UBOX5: variants seen among roughly 807,000 people sequenced by gnomAD.
UBOX5 encodes RING finger protein 37.
UBOX5 carries 28 observed loss-of-function variants against 39.0 expected under a neutral mutation model. The ratio of observed to expected loss-of-function variants is 0.72; its 90% CI spans 0.53 to 0.98. The LOEUF (loss-of-function observed/expected upper bound fraction) is 0.98, where lower values mean the gene tolerates loss of function less well. Among genes scored for constraint, UBOX5 ranks in the 50% least tolerant of loss-of-function variants. UBOX5 has a pLI of 0.00. For synonymous variants in UBOX5, 283 were observed against 275.5 expected (o/e 1.03, Z -0.27); for missense variants, 585 against 674.4 (o/e 0.87, Z 1.47).
At chr20:3,151,057 T>C (rs114562672) in intron 1 of UBOX5, among the ~76,000 whole-genome samples, 1 of 150,888 alleles carries the variant, frequency 6.6e-6, no homozygotes, top group African/African-American at 2.5e-5. Flanking sequence ...AGTGTGTGTT[T>C]GTGTGTGTGT....
chr20:3,121,814 G>T lies in UBOX5; in HGVS notation c.825C>A (p.Pro275=). 6.2e-7 allele frequency: 1 copy of T among 1,614,144 alleles called. No homozygotes were observed. The highest frequency in any genetic ancestry group is 2.2e-5 in the East Asian group (1 of 44,854). Residue 275 remains proline (P), a synonymous_variant, in exon 3 of 5, where the codon CCC becomes CCA. Transcript: ENST00000217173. ...DPITLEIMPC[P]MLLPSGKVID... ...TGACCTTGCCTGAGGGCAGCAGCATGGGACAAGGCATGATCTCCAGGGTGA... is the reference window on the plus strand; with the variant it reads ...TGACCTTGCCTGAGGGCAGCAGCATTGGACAAGGCATGATCTCCAGGGTGA...
Position 3,110,059 on chromosome 20 carries a change from C to A in UBOX5, c.*47G>T. ...GTGCTGTGGCCCTGCTCCTGTTCCC[C>A]CTCAGCTCCTCCCAGCAATGGGTCT... On this transcript the variant is annotated 3_prime_UTR_variant, in exon 5 of 5. Coordinates refer to ENST00000217173, the MANE Select transcript of UBOX5 (RefSeq NM_014948.4). 6.2e-7 allele frequency: 1 copy of A among 1,601,590 alleles called. No homozygotes were observed.
chr20:3,149,635 A>C lies in UBOX5; in HGVS notation c.-42+10131T>G, dbSNP rs2066604432. ...GTGAGCAACTCCTTCCATCTCTTTG[A>C]TATCAAGGCAAACAGGTCCTACCTG... On this transcript the variant is annotated intron_variant, in intron 1 of 4. Coordinates refer to ENST00000217173, the MANE Select transcript of UBOX5 (RefSeq NM_014948.4). This position sits in a 1 kb window ranked among gnomAD's most constrained non-coding sequence, Gnocchi z 4.1. 6.6e-6 allele frequency among the ~76,000 whole-genome samples: 1 copy of C among 152,216 alleles called. No individual in the cohort carries two copies. The highest frequency in any genetic ancestry group is 2.1e-4 in the South Asian group (1 of 4,830).
intron 1 of UBOX5, among the ~76,000 whole-genome samples, chr20:3,132,007 CAA>C (rs35711232): frequency 3.8e-5 from 2 of 52,158 alleles, no homozygotes; most frequent in African/African-American, 8.1e-5. Flanking sequence ...GACACTGTCT[CAA>C]AAAAAAAAAA....
At chr20:3,121,237 G>T (rs953994059) in intron 3 of UBOX5, 147 bp downstream of exon 3, 31 of 1,201,402 alleles carry the variant, frequency 2.6e-5, no homozygotes, top group Non-Finnish European at 3.4e-5. Context: ...AAGCTGAGGG[G>T]CCCCAGGATG....
At chr20:3,118,097 G>A (rs1233939563) in intron 3 of UBOX5, among the ~76,000 whole-genome samples, 6 of 152,274 alleles carry the variant, frequency 3.9e-5, no homozygotes, top group Admixed American at 2.0e-4. Context: ...AGCAGAGGTC[G>A]CAGTGAGCAG....
chr20:3,135,386 G>C (rs2066461634), intron 1 of UBOX5, among the ~76,000 whole-genome samples: 1 of 152,188 alleles, frequency 6.6e-6, no homozygotes, highest in African/African-American at 2.4e-5. Context: ...ATCAGGAAGT[G>C]TCAAGGCACA....
At chr20:3,159,737 CG>C (rs1385065552) in intron 1 of UBOX5, 28 bp downstream of exon 1, 3 of 152,352 alleles carry the variant, frequency 2.0e-5, no homozygotes, top group African/African-American at 7.2e-5. Context: ...GAGGCCGCCG[CG>C]ACCTCCTCCC....
chr20:3,146,327 C>T (rs1171076515), intron 1 of UBOX5, among the ~76,000 whole-genome samples: 2 of 123,096 alleles, frequency 1.6e-5, no homozygotes, highest in African/African-American at 3.2e-5. Context: ...GGTGACAGAG[C>T]GAGACTCCAT....
chr20:3,111,150 G>T (rs1386309561), intron 4 of UBOX5, among the ~76,000 whole-genome samples: 4 of 152,202 alleles, frequency 2.6e-5, no homozygotes, highest in Non-Finnish European at 5.9e-5. Flanking sequence ...CCACCAGGCT[G>T]CACCCACGGC....
Position 3,149,248 on chromosome 20 carries a change from T to G in UBOX5, c.-42+10518A>C. The G allele has an allele frequency of 1.6e-6, 1 of 629,062 alleles. No individual in the cohort carries two copies. The highest frequency in any genetic ancestry group is 2.5e-5 in the South Asian group (1 of 40,060). The allele number at this position is 629,062 out of a possible 1,614,324, so 39.0% of individuals were successfully genotyped here. The stretch of plus-strand genomic sequence containing the variant: ...GGGATCACAAATGACTGGGTCAGAA[T>G]TGGTGCCAGATACTGAAAAAAGGGT... On this transcript the variant is annotated intron_variant, in intron 1 of 4. Coordinates refer to ENST00000217173, the MANE Select transcript of UBOX5 (RefSeq NM_014948.4). This position sits in a 1 kb window ranked among gnomAD's most constrained non-coding sequence, Gnocchi z 4.1.
intron 4 of UBOX5, among the ~76,000 whole-genome samples, chr20:3,113,235 C>A (rs1206794424): frequency 1.3e-5 from 2 of 150,258 alleles, no homozygotes; most frequent in Non-Finnish European, 3.0e-5. Flanking sequence ...TTGCAGTGAG[C>A]CGAGATTGCG....
rs765879636 is a variant in UBOX5, at chr20:3,146,890, C to T, written c.-42+12876G>A. ...ATAACTCTACCACACGGTAGCCAAGCCGAGCCAGCTGCCGCCTCTTCATAT... is the reference window on the plus strand; with the variant it reads ...ATAACTCTACCACACGGTAGCCAAGTCGAGCCAGCTGCCGCCTCTTCATAT... On this transcript the variant is annotated intron_variant, in intron 1 of 4. Coordinates refer to ENST00000217173, the MANE Select transcript of UBOX5 (RefSeq NM_014948.4). 20 of 1,614,090 alleles carry T rather than the reference C, an allele frequency of 1.2e-5. 1 individual carries two copies. Among genetic ancestry groups the T allele is most frequent in the Middle Eastern group, 3.3e-4 (2 of 6,084 alleles).
At chr20:3,135,707 T>C (rs1265539192) in intron 1 of UBOX5, among the ~76,000 whole-genome samples, 1 of 152,098 alleles carries the variant, frequency 6.6e-6, no homozygotes, top group Non-Finnish European at 1.5e-5. Flanking sequence ...CAGTTACATA[T>C]ATATGTGAAC....
chr20:3,152,395 G>A (rs537671101), intron 1 of UBOX5, among the ~76,000 whole-genome samples: 39 of 152,118 alleles, frequency 2.6e-4, no homozygotes, highest in Non-Finnish European at 4.1e-4. Context: ...CCAGCTACTC[G>A]GGAGGCTGAG....
intron 1 of UBOX5, among the ~76,000 whole-genome samples, chr20:3,125,074 G>GC (rs936147353): frequency 7.1e-6 from 1 of 141,088 alleles, no homozygotes; most frequent in Non-Finnish European, 1.5e-5. Context: ...CTGCCTGGCC[G>GC]CCCCATCTGG....
Position 3,132,652 on chromosome 20 carries a change from C to A in UBOX5, c.-41-9246G>T, listed in dbSNP as rs530947216. Reference sequence around the variant, plus strand: ...TGGCTAACATGGCGAAATCCCGTCTCTACTAAAAATACAAAAAATTACCCG... The same window carrying A: ...TGGCTAACATGGCGAAATCCCGTCTATACTAAAAATACAAAAAATTACCCG... On this transcript the variant is annotated intron_variant, in intron 1 of 4. Transcript: ENST00000217173. Among the ~76,000 whole-genome samples the A allele has an allele frequency of 8.0e-4, 121 of 151,886 alleles. 2 individuals carry two copies. In the South Asian group the frequency reaches 0.017, roughly 21 times the overall value.
chr20:3,134,658 A>G (rs112811911), intron 1 of UBOX5, among the ~76,000 whole-genome samples: 5,278 of 151,892 alleles, frequency 0.035, 281 homozygotes, highest in African/African-American at 0.12. Flanking sequence ...CAAGAGTTCA[A>G]GACCAGCCTG....
chr20:3,121,263 G>A, intron 3 of UBOX5, 121 bp downstream of exon 3: 2 of 1,412,088 alleles, frequency 1.4e-6, no homozygotes, highest in Non-Finnish European at 1.9e-6. Context: ...CGGGAAGGAG[G>A]CAGCACAGGC....
Sources: allele counts gnomAD v4.1 joint callset (sites outside exome capture counted in the v4.1 genomes callset), GRCh38; gene constraint gnomAD v4.1.1; non-coding constraint Gnocchi (gnomAD v3.1); transcripts MANE v1.5; gene names NCBI Gene and HGNC (gene_info 2026-07-23, HGNC 2026-07-21).